The following DCAF6 variants were observed in gnomAD, a reference collection of about 807,000 sequenced individuals.
The protein encoded by DCAF6 is DDB1- and CUL4-associated factor 6.
DCAF6 carries 54 observed loss-of-function variants against 125.1 expected under a neutral mutation model. The observed-to-expected ratio is 0.43, with a 90% CI of 0.35 to 0.54. DCAF6 has a LOEUF of 0.54. Ranked by LOEUF, DCAF6 falls within the 20% of genes least tolerant of loss-of-function variation. DCAF6 has a pLI of 0.01. For synonymous variants in DCAF6, 371 were observed against 390.4 expected (o/e 0.95, Z 0.58); for missense variants, 934 against 1,161.7 (o/e 0.80, Z 2.85).
intron 17 of DCAF6, among the ~76,000 whole-genome samples, chr1:168,053,222 C>T (rs916533932): frequency 6.6e-6 from 1 of 152,122 alleles, no homozygotes; most frequent in Non-Finnish European, 1.5e-5. Context: ...CTACCTATCA[C>T]AGTGCATTGT....
the DCAF6 span, among the ~76,000 whole-genome samples, chr1:167,909,556 A>AT: frequency 1.2e-3 from 183 of 151,426 alleles, 1 homozygote; most frequent in African/African-American, 3.7e-3. Context: ...TTTTTTTGTG[A>AT]TTTTTTTTTC....
chr1:167,984,174 T>C (rs1272592747), intron 4 of DCAF6, among the ~76,000 whole-genome samples: 1 of 152,200 alleles, frequency 6.6e-6, no homozygotes, highest in Non-Finnish European at 1.5e-5. Flanking sequence ...AAAGTTGATT[T>C]TGAAATTTTG....
intron 4 of DCAF6, among the ~76,000 whole-genome samples, chr1:167,979,445 AC>A (rs553130206): frequency 1.1e-3 from 164 of 152,272 alleles, no homozygotes; most frequent in Non-Finnish European, 1.7e-3. Flanking sequence ...TATTTTAGAT[AC>A]CTCATATAAT....
At chr1:168,062,802 T>A (rs1691764321) in intron 17 of DCAF6, among the ~76,000 whole-genome samples, 2 of 152,050 alleles carry the variant, frequency 1.3e-5, no homozygotes, top group African/African-American at 2.4e-5. Flanking sequence ...TGTCACCAAA[T>A]CATTTCTTAA....
At chr1:168,024,496 A>G (rs181485727) in intron 12 of DCAF6, among the ~76,000 whole-genome samples, 1 of 152,224 alleles carries the variant, frequency 6.6e-6, no homozygotes, top group Admixed American at 6.5e-5. Flanking sequence ...CTTCTTTTGT[A>G]CTTCTGATCT....
chr1:167,901,863 T>C, the DCAF6 span: 1 of 1,613,584 alleles, frequency 6.2e-7, no homozygotes, highest in Non-Finnish European at 8.5e-7. Context: ...ATCTATTTTG[T>C]ATGAGATCTG....
At chr1:167,926,026 G>T in the DCAF6 span, among the ~76,000 whole-genome samples, 1 of 152,164 alleles carries the variant, frequency 6.6e-6, no homozygotes. Context: ...GAGAAGCTGG[G>T]TATCATTAGA....
intron 13 of DCAF6, among the ~76,000 whole-genome samples, chr1:168,038,782 ATAC>A (rs1310376794): frequency 6.6e-6 from 1 of 152,040 alleles, no homozygotes; most frequent in East Asian, 1.9e-4. Flanking sequence ...GCAAAAGATA[ATAC>A]TAATAATAAT....
At chr1:167,941,561 G>A (rs1210266334) in intron 1 of DCAF6, among the ~76,000 whole-genome samples, 1 of 152,138 alleles carries the variant, frequency 6.6e-6, no homozygotes, top group Admixed American at 6.6e-5. Flanking sequence ...TAGATGGGAT[G>A]CATTCTGTTT....
At chr1:167,872,168 G>T in the DCAF6 span, among the ~76,000 whole-genome samples, 1 of 152,002 alleles carries the variant, frequency 6.6e-6, no homozygotes, top group South Asian at 2.1e-4. Context: ...GAGAAACCCC[G>T]TCTCTATTAA....
chr1:168,017,140 A>C (rs1388912532), intron 11 of DCAF6, among the ~76,000 whole-genome samples: 1 of 150,756 alleles, frequency 6.6e-6, no homozygotes, highest in Non-Finnish European at 1.5e-5. Flanking sequence ...TTTTTTTCCT[A>C]TGGGGAAATA....
chr1:168,057,632 T>C (rs1439633698), intron 17 of DCAF6, among the ~76,000 whole-genome samples: 2 of 152,214 alleles, frequency 1.3e-5, no homozygotes, highest in Non-Finnish European at 2.9e-5. Context: ...GTGCTGGTGA[T>C]AATGATAACA....
intron 7 of DCAF6, among the ~76,000 whole-genome samples, chr1:167,996,003 T>C (rs4657727): frequency 0.2 from 30,899 of 152,176 alleles, 3,843 homozygotes; most frequent in Admixed American, 0.36. Context: ...ATAAGGACTA[T>C]GTTCTGTATA....
intron 4 of DCAF6, among the ~76,000 whole-genome samples, chr1:167,980,863 T>C (rs890311386): frequency 1.3e-5 from 2 of 151,928 alleles, no homozygotes; most frequent in African/African-American, 2.4e-5. Flanking sequence ...TTTGTTGTTA[T>C]ATCTAATAAA....
chr1:167,920,011 T>G, the DCAF6 span: 2 of 1,613,604 alleles, frequency 1.2e-6, no homozygotes, highest in Non-Finnish European at 1.7e-6. Flanking sequence ...AGGCTCCTGC[T>G]GCCCCCACAA....
chr1:167,875,137 A>G, the DCAF6 span: 5 of 1,614,068 alleles, frequency 3.1e-6, no homozygotes, highest in Non-Finnish European at 4.2e-6. Flanking sequence ...CTACCCAGCA[A>G]AGGGTAATCC....
intron 3 of DCAF6, among the ~76,000 whole-genome samples, chr1:167,967,107 A>T (rs554065404): frequency 2.0e-5 from 3 of 152,150 alleles, no homozygotes; most frequent in Admixed American, 2.0e-4. Flanking sequence ...ACTTATTTTA[A>T]TGTTAAGAAT....
rs911596589 is a variant in DCAF6, at chr1:168,075,653, C to T, written c.*218C>T. ...GCAGAATGTTTTTAAAACTTTTTGC[C>T]GTGTATGAGGAGTGCTAGAAAATGC... On this transcript the variant is annotated 3_prime_UTR_variant, in exon 22 of 22. Coordinates refer to ENST00000367840, the MANE Select transcript of DCAF6 (RefSeq NM_001198956.2). 2.4e-5 allele frequency: 11 copies of T among 460,062 alleles called. No homozygotes were observed. The highest frequency in any genetic ancestry group is 8.2e-5 in the Admixed American group (2 of 24,440). 28.5% of individuals were successfully genotyped at this position (460,062 alleles called of 1,614,324 possible). A position where few individuals can be genotyped will look rare whatever the true frequency, so the allele number is the denominator to read the frequency against.
chr1:167,983,150 T>C (rs1404328760), intron 4 of DCAF6, among the ~76,000 whole-genome samples: 1 of 152,246 alleles, frequency 6.6e-6, no homozygotes, highest in Non-Finnish European at 1.5e-5. Context: ...GTTCAGGCTC[T>C]TTTTTGGTTC....
Sources: gnomAD v4.1 joint callset for allele counts (sites outside exome capture counted in the v4.1 genomes callset) on GRCh38, gnomAD v4.1.1 for gene constraint, MANE v1.5 for transcripts, NCBI Gene and HGNC (gene_info 2026-07-23, HGNC 2026-07-21) for gene names.